The following MAD1L1 variants were observed in gnomAD, a reference collection of about 807,000 sequenced individuals.
MAD1L1 encodes the protein mitotic spindle assembly checkpoint protein MAD1.
MAD1L1 carries 95 observed loss-of-function variants against 96.9 expected under a neutral mutation model. That is an observed-to-expected ratio of 0.98 (90% CI 0.83 to 1.16). MAD1L1 has a LOEUF of 1.16. Ranked by LOEUF, MAD1L1 falls within the 50% of genes most tolerant of loss-of-function variation. The pLI, the probability that MAD1L1 is intolerant of heterozygous loss-of-function variation, is 0.00. For synonymous variants in MAD1L1, 473 were observed against 396.6 expected, an observed-to-expected ratio of 1.19 and a Z score of -2.29; for missense variants, 1,007 against 954.4, an observed-to-expected ratio of 1.06 and a Z score of -0.73.
chr7:2,059,048 CAG>C (rs1225330381), intron 12 of MAD1L1, among the ~76,000 whole-genome samples: 21 of 82,164 alleles, frequency 2.6e-4, no homozygotes, highest in East Asian at 1.2e-3. Flanking sequence ...GGAGTGTGGC[CAG>C]AGGAGAGAAG....
chr7:2,216,427 G>C (rs1386567707), intron 7 of MAD1L1, 140 bp from the exon 8 acceptor site: 7 of 805,034 alleles, frequency 8.7e-6, no homozygotes, highest in Non-Finnish European at 1.1e-5. Context: ...AGGACGTTCT[G>C]GGAAAGGAAG....
chr7:2,052,077 C>T (rs996526539), intron 12 of MAD1L1, among the ~76,000 whole-genome samples: 3 of 152,164 alleles, frequency 2.0e-5, no homozygotes, highest in Admixed American at 1.3e-4. Context: ...CTGCATTCCA[C>T]GAAGGAGCCC....
intron 10 of MAD1L1, among the ~76,000 whole-genome samples, chr7:2,176,700 A>G (rs1206319050): frequency 6.6e-6 from 1 of 152,214 alleles, no homozygotes; most frequent in Non-Finnish European, 1.5e-5. Context: ...GACACTGTCA[A>G]CATAGTAAAC....
intron 17 of MAD1L1, among the ~76,000 whole-genome samples, chr7:1,907,857 A>AG (rs1009693040): frequency 4.6e-5 from 7 of 152,086 alleles, no homozygotes; most frequent in African/African-American, 1.7e-4. Flanking sequence ...GTGTGGAGTG[A>AG]GGGGGCAGTG....
At chr7:2,226,035 C>T (rs1194556449) in intron 3 of MAD1L1, among the ~76,000 whole-genome samples, 1 of 152,210 alleles carries the variant, frequency 6.6e-6, no homozygotes, top group African/African-American at 2.4e-5. Flanking sequence ...ACACGGCCCT[C>T]TCCATCTCCA....
chr7:1,872,285 C>T (rs1785151475), intron 18 of MAD1L1, among the ~76,000 whole-genome samples: 1 of 152,216 alleles, frequency 6.6e-6, no homozygotes, highest in African/African-American at 2.4e-5. Flanking sequence ...GGCTGCCGCA[C>T]CGTTTCCCAG....
chr7:2,080,626 A>G (rs1003042426), intron 11 of MAD1L1, among the ~76,000 whole-genome samples: 1 of 151,538 alleles, frequency 6.6e-6, no homozygotes, highest in Non-Finnish European at 1.5e-5. Flanking sequence ...CAGGACTCAA[A>G]GAACAGCGCT....
rs994066441 is a variant in MAD1L1, at chr7:2,198,708, C to T, written c.986+14504G>A. On this transcript the variant is annotated intron_variant, in intron 10 of 18. Transcript: ENST00000265854. ...TGTGTCCCACTCAGTTCTCCTGCCG[C>T]TGAGTGACTCTCCCAGGGAGGCCCA... Among the ~76,000 whole-genome samples the T allele has an allele frequency of 2.8e-4, 42 of 152,228 alleles. 1 individual carries two copies. Among genetic ancestry groups the T allele is most frequent in the Admixed American group, 2.7e-3 (42 of 15,278 alleles).
intron 18 of MAD1L1, among the ~76,000 whole-genome samples, chr7:1,874,243 G>C (rs762423767): frequency 1.6e-4 from 24 of 152,206 alleles, no homozygotes; most frequent in Non-Finnish European, 3.2e-4. Context: ...TCCCACCAGC[G>C]CATCAGCTTT....
At chr7:1,942,581 C>T (rs1779052107) in intron 16 of MAD1L1, among the ~76,000 whole-genome samples, 1 of 152,192 alleles carries the variant, frequency 6.6e-6, no homozygotes, top group South Asian at 2.1e-4. Context: ...CTGCACCCAC[C>T]CCACCAAGAG....
At chr7:1,956,894 C>T (rs1167039304) in intron 16 of MAD1L1, among the ~76,000 whole-genome samples, 1 of 152,228 alleles carries the variant, frequency 6.6e-6, no homozygotes, top group Non-Finnish European at 1.5e-5. Context: ...AGCAGGGAAG[C>T]CGTAAGTGGT....
chr7:2,149,275 C>A (rs1789455391), intron 10 of MAD1L1, 37 bp from the exon 11 acceptor site: 6 of 1,536,302 alleles, frequency 3.9e-6, no homozygotes. Flanking sequence ...TTCCAGCTGT[C>A]CCCGAGAAGT....
At chr7:2,031,765 G>T (rs893227785) in intron 12 of MAD1L1, among the ~76,000 whole-genome samples, 2 of 152,248 alleles carry the variant, frequency 1.3e-5, no homozygotes, top group African/African-American at 4.8e-5. Flanking sequence ...CGGATATGGG[G>T]CCATGGGCCT....
intron 11 of MAD1L1, among the ~76,000 whole-genome samples, chr7:2,128,858 C>T (rs1222677813): frequency 6.6e-6 from 1 of 152,228 alleles, no homozygotes; most frequent in Non-Finnish European, 1.5e-5. Context: ...CTTCAGCTCA[C>T]ACTGCAGTCT....
At chr7:2,219,247 A>C in intron 6 of MAD1L1, 85 bp downstream of exon 6, 1 of 1,273,758 alleles carries the variant, frequency 7.9e-7, no homozygotes, top group Non-Finnish European at 1.1e-6. Flanking sequence ...GTGTATCCAC[A>C]TCCCACCCAG....
chr7:2,146,348 A>C lies in MAD1L1; in HGVS notation c.1073+2804T>G, dbSNP rs533275331. On this transcript the variant is annotated intron_variant, in intron 11 of 18. Transcript: ENST00000265854. This position sits in a 1 kb window ranked among gnomAD's most constrained non-coding sequence, Gnocchi z 6.2. ...CAGGGCACCGCCTCGAAGAGGGAGC[A>C]CCGGGCACTGGGCTACGAGGAACAG... 2.0e-5 allele frequency among the ~76,000 whole-genome samples: 3 copies of C among 151,040 alleles called. No homozygotes were observed. The highest frequency in any genetic ancestry group is 2.0e-4 in the Admixed American group (3 of 15,254).
At chr7:1,943,281 G>A (rs952997725) in intron 16 of MAD1L1, among the ~76,000 whole-genome samples, 24 of 152,198 alleles carry the variant, frequency 1.6e-4, no homozygotes, top group South Asian at 2.1e-4. Context: ...TCCAAACTAA[G>A]AACTCTTGTG....
At chr7:2,167,010 T>C (rs556877773) in intron 10 of MAD1L1, among the ~76,000 whole-genome samples, 1 of 152,320 alleles carries the variant, frequency 6.6e-6, no homozygotes, top group South Asian at 2.1e-4. Context: ...AAGAAGTGCC[T>C]GTAGCTCACG....
At chr7:1,868,489 C>A (rs891182111) in intron 18 of MAD1L1, among the ~76,000 whole-genome samples, 31 of 151,486 alleles carry the variant, frequency 2.0e-4, no homozygotes, top group Admixed American at 2.6e-4. Context: ...CCACCCCACC[C>A]CACGGATAAT....
Sources: gnomAD v4.1 joint callset for allele counts (sites outside exome capture counted in the v4.1 genomes callset) on GRCh38, gnomAD v4.1.1 for gene constraint, Gnocchi (gnomAD v3.1) non-coding constraint, MANE v1.5 for transcripts, NCBI Gene and HGNC (gene_info 2026-07-23, HGNC 2026-07-21) for gene names.